The following GMCL1 variants were observed in gnomAD, a reference collection of about 807,000 sequenced individuals.
GMCL1 encodes germ cell-less 1, spermatogenesis associated, also known as germ cell-less protein-like 1.
GMCL1 carries 54 observed loss-of-function variants against 75.5 expected under a neutral mutation model. That is an observed-to-expected ratio of 0.71 (90% confidence interval 0.57 to 0.90). The LOEUF (loss-of-function observed/expected upper bound fraction) is 0.90, where lower values mean the gene tolerates loss of function less well. Among genes scored for constraint, GMCL1 ranks in the 40% least tolerant of loss-of-function variants. The pLI is 0.00. For synonymous variants in GMCL1, 210 were observed against 209.6 expected (o/e 1.00, Z -0.02); for missense variants, 537 against 622.7 (o/e 0.86, Z 1.47).
intron 13 of GMCL1, 69 bp from the exon 14 acceptor site, chr2:69,878,837 CTCA>C (rs1422555290): frequency 9.9e-7 from 1 of 1,009,838 alleles, no homozygotes; most frequent in Non-Finnish European, 1.6e-6. Flanking sequence ...CTTTGGTTCA[CTCA>C]GTTCAACAGT....
At position 69,829,797 on chromosome 2, in the gene GMCL1, A is replaced by T; in HGVS notation, c.-96A>T. The stretch of plus-strand genomic sequence containing the variant: ...GCTGCGCGTGAGAAGGTGGCGGTGT[A>T]GGCACCTGCGCTCGGGGAAGGCTGG... On this transcript the variant is annotated 5_prime_UTR_variant, in exon 1 of 14. The change abolishes the stop of an existing upstream ORF in the 5' untranslated region. Transcript: ENST00000282570. The T allele has an allele frequency of 7.5e-7, 1 of 1,325,362 alleles. No homozygotes were observed. Among genetic ancestry groups the T allele is most frequent in the Non-Finnish European group, 1.0e-6 (1 of 996,572 alleles). The allele number at this position is 1,325,362 out of a possible 1,614,324, so 82.1% of individuals were successfully genotyped here.
intron 1 of GMCL1, 98 bp from the exon 2 acceptor site, chr2:69,837,449 A>G: frequency 1.0e-6 from 1 of 970,444 alleles, no homozygotes; most frequent in East Asian, 2.8e-5. Context: ...GACTCTATTT[A>G]ATAGAAATTG....
Position 69,830,067 on chromosome 2 carries a change from T to G in GMCL1, c.175T>G (p.Phe59Val), listed in dbSNP as rs1461271348. The part of the protein sequence containing the change: ...SHKRKRSSGS[F>V]CYCHPDSETD... Reference sequence around the variant, plus strand: ...CAAGCGCAAGCGGAGCAGCGGGTCCTTCTGCTACTGTCACCCTGACTCGGA... The same window carrying G: ...CAAGCGCAAGCGGAGCAGCGGGTCCGTCTGCTACTGTCACCCTGACTCGGA... Residue 59 changes from phenylalanine (F) to valine (V), a missense_variant, in exon 1 of 14, where the codon TTC (phenylalanine) becomes GTC (valine). Physicochemically the swap from Phe to Val is conservative, Grantham distance 50 (BLOSUM62 -1). This residue lies in a region of GMCL1 where 144 missense variants were observed against 127.2 expected (regional missense o/e 1.13). Transcript: ENST00000282570. The G allele has an allele frequency of 8.3e-6, 13 of 1,572,406 alleles. No individual in the cohort carries two copies. Among genetic ancestry groups the G allele is most frequent in the Non-Finnish European group, 1.1e-5 (13 of 1,158,330 alleles).
Position 69,869,710 on chromosome 2 carries a change from ATT to A in GMCL1, c.1219-4_1219-3del. On this transcript the variant is annotated splice_polypyrimidine_tract_variant and splice_region_variant and intron_variant, in intron 11 of 13. Coordinates refer to ENST00000282570, the MANE Select transcript of GMCL1 (RefSeq NM_178439.5). Reference sequence around the variant, plus strand: ...AACTGAAATAAGTCTTCTCTCTTGTATTTTTTAGTACTGCTGGCGTTGGACAG... The same window carrying A: ...AACTGAAATAAGTCTTCTCTCTTGTATTTTAGTACTGCTGGCGTTGGACAG... 1 of 1,611,952 alleles carries A rather than the reference ATT, an allele frequency of 6.2e-7. No individual in the cohort carries two copies. The highest frequency in any genetic ancestry group is 1.1e-5 in the South Asian group (1 of 90,812).
intron 8 of GMCL1, among the ~76,000 whole-genome samples, chr2:69,852,568 T>C (rs13408629): frequency 0.068 from 10,234 of 151,262 alleles, 925 homozygotes; most frequent in Admixed American, 0.22. Flanking sequence ...GACAGAGTCT[T>C]GCTCTGTCAC....
At chr2:69,874,097 A>T (rs1044689910) in intron 13 of GMCL1, among the ~76,000 whole-genome samples, 3 of 151,320 alleles carry the variant, frequency 2.0e-5, no homozygotes, top group African/African-American at 7.3e-5. Flanking sequence ...GTTGTTTCTC[A>T]TTTTTTTTCA....
Position 69,837,300 on chromosome 2 carries a change from C to T in GMCL1, c.261-247C>T, listed in dbSNP as rs116533206. Among the ~76,000 whole-genome samples, 388 of 152,208 alleles carry T rather than the reference C, an allele frequency of 2.5e-3. 2 individuals are homozygous for T. Among genetic ancestry groups the T allele is most frequent in the African/African-American group, 9.0e-3 (373 of 41,536 alleles). On this transcript the variant is annotated intron_variant, in intron 1 of 13. Transcript: ENST00000282570. The stretch of plus-strand genomic sequence containing the variant: ...AGTGAAAAGTCTGCCTCCCATGCTG[C>T]CCCCCTTTCTCCACTATCTCTCCCG...
At chr2:69,876,688 G>T (rs997863222) in intron 13 of GMCL1, among the ~76,000 whole-genome samples, 2 of 152,092 alleles carry the variant, frequency 1.3e-5, no homozygotes, top group African/African-American at 4.8e-5. Flanking sequence ...CTGGGATGGA[G>T]AATCAAAGCC....
At chr2:69,878,052 A>G (rs1336763543) in intron 13 of GMCL1, among the ~76,000 whole-genome samples, 1 of 152,210 alleles carries the variant, frequency 6.6e-6, no homozygotes, top group Non-Finnish European at 1.5e-5. Flanking sequence ...AAATGCTTCT[A>G]GTAAAGGATA....
chr2:69,863,282 A>C (rs902904205), intron 10 of GMCL1, among the ~76,000 whole-genome samples: 112 of 152,228 alleles, frequency 7.4e-4, no homozygotes, highest in African/African-American at 2.6e-3. Context: ...AAGCAGTTCA[A>C]ACCTGTTGTT....
intron 11 of GMCL1, among the ~76,000 whole-genome samples, chr2:69,865,916 T>A (rs925407809): frequency 2.0e-5 from 3 of 152,108 alleles, no homozygotes; most frequent in African/African-American, 4.8e-5. Context: ...ATTGTAAGCA[T>A]GAGCCACCAT....
rs558701583 is a variant in GMCL1, at chr2:69,841,051, C to A, written c.579+12C>A. 2 of 1,586,706 alleles carry A rather than the reference C, an allele frequency of 1.3e-6. No homozygotes were observed. Among genetic ancestry groups the A allele is most frequent in the Non-Finnish European group, 8.7e-7 (1 of 1,155,448 alleles). ...GTTTGCTGCAGTTGGTAAGTATGCA[C>A]GTTATTCGAAGAAAGGTTCAGAATA... is the stretch of plus-strand genomic sequence containing the variant. On this transcript the variant is annotated intron_variant, in intron 4 of 13. Transcript: ENST00000282570.
chr2:69,852,080 T>G (rs1426884543), intron 8 of GMCL1, among the ~76,000 whole-genome samples: 1 of 152,118 alleles, frequency 6.6e-6, no homozygotes, highest in Admixed American at 6.5e-5. Flanking sequence ...GGAAAGCATT[T>G]AAATAGAAGA....
At chr2:69,877,091 G>T (rs1010928975) in intron 13 of GMCL1, among the ~76,000 whole-genome samples, 21 of 152,296 alleles carry the variant, frequency 1.4e-4, no homozygotes, top group African/African-American at 5.1e-4. Flanking sequence ...AGTTGCTGCT[G>T]CTCTGCTGCT....
rs1402719704 is a variant in GMCL1 at position 69,830,069 on chromosome 2, C to T, written c.177C>T (p.Phe59=). 6 of 1,573,070 alleles carry T rather than the reference C, an allele frequency of 3.8e-6. No individual in the cohort carries two copies. The highest frequency in any genetic ancestry group is 4.3e-6 in the Non-Finnish European group (5 of 1,158,624). Residue 59 remains phenylalanine (F), a synonymous_variant, in exon 1 of 14, where the codon TTC becomes TTT. Transcript: ENST00000282570. The part of the protein sequence containing the change: ...SHKRKRSSGS[F]CYCHPDSETD... ...AGCGCAAGCGGAGCAGCGGGTCCTT[C>T]TGCTACTGTCACCCTGACTCGGAGA...
intron 10 of GMCL1, among the ~76,000 whole-genome samples, chr2:69,863,496 A>G (rs1453977809): frequency 6.6e-6 from 1 of 152,198 alleles, no homozygotes; most frequent in Non-Finnish European, 1.5e-5. Context: ...TTATCTTTCT[A>G]AAACAGAAAT....
At chr2:69,872,217 A>G (rs985532099) in intron 13 of GMCL1, among the ~76,000 whole-genome samples, 1 of 152,184 alleles carries the variant, frequency 6.6e-6, no homozygotes, top group Non-Finnish European at 1.5e-5. Flanking sequence ...ACAATCCTGT[A>G]TGTCTCCATA....
chr2:69,837,047 A>G (rs1317115186), intron 1 of GMCL1, among the ~76,000 whole-genome samples: 1 of 152,242 alleles, frequency 6.6e-6, no homozygotes, highest in African/African-American at 2.4e-5. Context: ...AAGTAGTTTA[A>G]GAATAGGTTG....
intron 3 of GMCL1, among the ~76,000 whole-genome samples, 192 bp from the exon 4 acceptor site, chr2:69,840,750 G>C (rs567329327): frequency 2.6e-3 from 400 of 152,272 alleles, no homozygotes; most frequent in Non-Finnish European, 4.3e-3. Context: ...TTATAACCTT[G>C]TTATTAAATT....
Sources: gnomAD v4.1 joint callset for allele counts (sites outside exome capture counted in the v4.1 genomes callset) on GRCh38, gnomAD v4.1.1 for gene constraint, gnomAD v4.1.1 regional missense constraint, MANE v1.5 for transcripts, NCBI Gene and HGNC (gene_info 2026-07-23, HGNC 2026-07-21) for gene names.